Variants in PLA2G6 observed in about 807,000 individuals in gnomAD.
PLA2G6 encodes phospholipase A2 group VI.
In PLA2G6, 62 loss-of-function variants were observed where a neutral mutation model predicts 83.8. The ratio of observed to expected loss-of-function variants is 0.74; its 90% CI spans 0.60 to 0.91. The LOEUF (loss-of-function observed/expected upper bound fraction) is 0.91. PLA2G6 is among the 40% of genes least tolerant of loss of function. The pLI is 0.00. For synonymous variants in PLA2G6, 417 were observed against 449.8 expected (o/e 0.93, Z 0.92); for missense variants, 944 against 1,102.0 (o/e 0.86, Z 2.03).
In PLA2G6 at chr22:38,112,372, A is replaced by G. The variant is rs11570766; in HGVS notation, c.2277-67T>C. 2.4e-3 allele frequency: 3,826 copies of G among 1,577,604 alleles called. 75 individuals are homozygous for G. In the African/African-American group the frequency reaches 0.044, roughly 18 times the overall value. ...GGCTGGGCAGGGGACGCCAGCTAGG[A>G]CCAGGGTGGGCTTGGGGAACAGAGC... On this transcript the variant is annotated intron_variant, in intron 16 of 16. Transcript: ENST00000332509.
intron 4 of PLA2G6, 64 bp downstream of exon 4, chr22:38,143,041 C>G: frequency 1.3e-6 from 2 of 1,507,566 alleles, no homozygotes; most frequent in Non-Finnish European, 1.8e-6. Context: ...GCCTAGGGGC[C>G]CAAAGGGAAC....
chr22:38,134,993 C>A lies in PLA2G6; in HGVS notation c.889G>T (p.Ala297Ser), dbSNP rs750208766. ...CCACCTCAGGATCCACTCACCTCTG[C>A]GTTCTTGGCCCAGTGGAGGGGGCTG... ...GASPLHWAKNAEMARMLLKRG... is the reference protein window; with the variant it reads ...GASPLHWAKNSEMARMLLKRG... The change falls in exon 6 of 17, where the codon GCA becomes TCA. Residue 297 changes from alanine (A) to serine (S), a missense_variant. By Grantham distance (99) the Ala-to-Ser change is moderately conservative (BLOSUM62 1). Transcript: ENST00000332509. 1.5e-6 allele frequency: 2 copies of A among 1,307,552 alleles called. No individual in the cohort carries two copies. The highest frequency in any genetic ancestry group is 1.1e-6 in the Non-Finnish European group (1 of 933,644). 81.0% of individuals were successfully genotyped at this position (1,307,552 alleles called of 1,614,324 possible).
At chr22:38,116,450 G>GTT (rs1253543179) in intron 12 of PLA2G6, 6 of 682,148 alleles carry the variant, frequency 8.8e-6, no homozygotes, top group Non-Finnish European at 1.7e-5. Flanking sequence ...TTTTTTGAAA[G>GTT]GCTAATCCAA....
chr22:38,170,075 G>A (rs2090377328), intron 1 of PLA2G6, among the ~76,000 whole-genome samples: 1 of 151,924 alleles, frequency 6.6e-6, no homozygotes, highest in Admixed American at 6.6e-5. Context: ...GCAGGCGCCT[G>A]TAGTCCCAGC....
intron 15 of PLA2G6, among the ~76,000 whole-genome samples, 191 bp downstream of exon 15, chr22:38,113,296 T>G (rs558493336): frequency 6.6e-6 from 1 of 152,292 alleles, no homozygotes; most frequent in South Asian, 2.1e-4. Context: ...CCCCTGCTGG[T>G]GGTCACTGAG....
At position 38,169,380 on chromosome 22, in the gene PLA2G6, T is replaced by A. The variant is rs763257405; in HGVS notation, c.47A>T (p.Asn16Ile). The change falls in exon 2 of 17, where the codon AAC (asparagine) becomes ATC (isoleucine). Residue 16 changes from asparagine (N) to isoleucine (I), a missense_variant. By Grantham distance (149) the Asn-to-Ile change is moderately radical. Transcript: ENST00000332509. ...RLVNTFSGVT[N>I]LFSNPFRVKE... is the part of the protein sequence containing the mutation. ...CACCCGGAATGGGTTAGAGAACAAGTTGGTGACGCCACTGAAGGTATTGAC... is the reference window on the plus strand; with the variant it reads ...CACCCGGAATGGGTTAGAGAACAAGATGGTGACGCCACTGAAGGTATTGAC... The A allele has an allele frequency of 1.2e-6, 2 of 1,614,196 alleles. No individual in the cohort carries two copies. The highest frequency in any genetic ancestry group is 1.7e-6 in the Non-Finnish European group (2 of 1,180,022).
intron 1 of PLA2G6, among the ~76,000 whole-genome samples, chr22:38,172,398 C>T (rs1279146647): frequency 6.6e-6 from 1 of 152,112 alleles, no homozygotes; most frequent in South Asian, 2.1e-4. Flanking sequence ...TTTGTCAAAA[C>T]AAAAATTTAA....
intron 7 of PLA2G6, chr22:38,131,624 T>A (rs2088216896): frequency 6.5e-6 from 1 of 153,482 alleles, no homozygotes. Flanking sequence ...ATGAAACTAT[T>A]TATAGTTTCA....
At chr22:38,146,033 C>G in intron 2 of PLA2G6, 1 of 263,242 alleles carries the variant, frequency 3.8e-6, no homozygotes, top group South Asian at 3.8e-5. Flanking sequence ...CCACCATGCC[C>G]AGCTAATTTT....
Position 38,132,264 on chromosome 22 carries a change from C to T in PLA2G6, c.1077+567G>A, listed in dbSNP as rs1343487335. 2 of 347,994 alleles carry T rather than the reference C, an allele frequency of 5.7e-6. No individual in the cohort carries two copies. The highest frequency in any genetic ancestry group is 1.1e-5 in the Non-Finnish European group (2 of 176,068). 21.6% of individuals were successfully genotyped at this position (347,994 alleles called of 1,614,324 possible). On this transcript the variant is annotated intron_variant, in intron 7 of 16. Coordinates refer to ENST00000332509, the MANE Select transcript of PLA2G6 (RefSeq NM_003560.4). This position sits in a 1 kb window ranked among gnomAD's most constrained non-coding sequence, Gnocchi z 5.0. ...GTTCTATAATAAACCAACGAATATGCCTGGCACCTGCCACAGGCTGCTGGG... is the reference window on the plus strand; with the variant it reads ...GTTCTATAATAAACCAACGAATATGTCTGGCACCTGCCACAGGCTGCTGGG...
chr22:38,115,399 G>T, intron 14 of PLA2G6, 128 bp downstream of exon 14: 1 of 799,436 alleles, frequency 1.3e-6, no homozygotes, highest in Non-Finnish European at 2.1e-6. Flanking sequence ...TGCCCTGTGT[G>T]CACATATGAA....
At chr22:38,131,055 G>A (rs114292513) in intron 7 of PLA2G6, 22 of 152,314 alleles carry the variant, frequency 1.4e-4, no homozygotes, top group African/African-American at 5.1e-4. Flanking sequence ...GTACATAATT[G>A]TAAAGGTGGT....
chr22:38,164,728 T>A (rs1360063857), intron 2 of PLA2G6, among the ~76,000 whole-genome samples: 1 of 152,138 alleles, frequency 6.6e-6, no homozygotes, highest in African/African-American at 2.4e-5. Flanking sequence ...AGCGGAAGGC[T>A]AGCAGCCCAT....
intron 2 of PLA2G6, chr22:38,147,727 T>G (rs560247217): frequency 6.6e-6 from 1 of 152,218 alleles, no homozygotes. Flanking sequence ...AATTTTTGTA[T>G]TTTTAGTAGG....
chr22:38,148,303 G>T, intron 2 of PLA2G6: 1 of 553,446 alleles, frequency 1.8e-6, no homozygotes, highest in East Asian at 3.2e-5. Context: ...AGCGAATGGG[G>T]AAAGTGTAAT....
chr22:38,175,789 T>C lies in PLA2G6; in HGVS notation c.-46+5875A>G, dbSNP rs148120572. On this transcript the variant is annotated intron_variant, in intron 1 of 16. Coordinates refer to ENST00000332509, the MANE Select transcript of PLA2G6 (RefSeq NM_003560.4). ...CATGTGAGAATGGGGGTGCATCTGT[T>C]GGCTTGGGCTGCTCACCCAACCCGC... Among the ~76,000 whole-genome samples, 457 of 152,296 alleles carry C rather than the reference T, an allele frequency of 3.0e-3. 3 individuals carry two copies. Among genetic ancestry groups the C allele is most frequent in the African/African-American group, 0.01 (431 of 41,568 alleles).
chr22:38,149,987 A>G (rs1321651299), intron 2 of PLA2G6: 1 of 151,812 alleles, frequency 6.6e-6, no homozygotes, highest in Non-Finnish European at 1.5e-5. Context: ...TCCATCTCCA[A>G]ATAAATAAAT....
chr22:38,136,281 T>C (rs8135937), intron 5 of PLA2G6: 10,490 of 152,130 alleles, frequency 0.069, 457 homozygotes, highest in East Asian at 0.21. Flanking sequence ...AACCACCGAA[T>C]TGTACACTTA....
At chr22:38,178,479 G>C (rs2090721445) in intron 1 of PLA2G6, among the ~76,000 whole-genome samples, 1 of 152,112 alleles carries the variant, frequency 6.6e-6, no homozygotes, top group Admixed American at 6.6e-5. Flanking sequence ...TGGCTGAGGT[G>C]GGGGGATTGC....
Sources: gnomAD v4.1 joint callset for allele counts (sites outside exome capture counted in the v4.1 genomes callset) on GRCh38, gnomAD v4.1.1 for gene constraint, Gnocchi (gnomAD v3.1) non-coding constraint, MANE v1.5 for transcripts, NCBI Gene and HGNC (gene_info 2026-07-23, HGNC 2026-07-21) for gene names.